The following WDR48 variants were observed in gnomAD, a reference collection of about 807,000 sequenced individuals.
The protein encoded by WDR48 is WD repeat domain 48.
A neutral mutation model predicts 94.0 loss-of-function variants in WDR48; 22 were observed. The observed-to-expected ratio is 0.23, with a 90% CI of 0.17 to 0.33. WDR48 has a LOEUF of 0.33. Ranked by LOEUF, WDR48 falls within the 10% of genes least tolerant of loss-of-function variation. The probability of loss-of-function intolerance (pLI) is 1.00; values close to 1 mark genes in which losing one functional copy is unlikely to be tolerated. For synonymous variants in WDR48, 278 were observed against 280.5 expected, an observed-to-expected ratio of 0.99 and a Z score of 0.09; for missense variants, 541 against 813.8, an observed-to-expected ratio of 0.66 and a Z score of 4.08.
At chr3:39,083,900 A>G (rs757807049) in intron 11 of WDR48, among the ~76,000 whole-genome samples, 2 of 152,222 alleles carry the variant, frequency 1.3e-5, no homozygotes, top group Non-Finnish European at 2.9e-5. Context: ...TGCTGTTAAG[A>G]TGAGGTGGTA....
chr3:39,066,907 T>G (rs2125648119), intron 5 of WDR48, 32 bp downstream of exon 5: 1 of 1,601,202 alleles, frequency 6.2e-7, no homozygotes, highest in Middle Eastern at 1.7e-4. Context: ...TCTTTGAAAG[T>G]GATCCAAGTT....
intron 1 of WDR48, among the ~76,000 whole-genome samples, chr3:39,060,156 A>T (rs1011293564): frequency 2.6e-5 from 4 of 152,066 alleles, no homozygotes; most frequent in Non-Finnish European, 5.9e-5. Context: ...TATATTCGGA[A>T]AGTTGTTTAT....
At chr3:39,077,253 T>C (rs754732173) in intron 9 of WDR48, 40 bp downstream of exon 9, 23 of 1,609,906 alleles carry the variant, frequency 1.4e-5, no homozygotes. Context: ...TATAAACATG[T>C]ATTTTGTTAT....
chr3:39,073,843 T>G (rs2034068787), intron 7 of WDR48, among the ~76,000 whole-genome samples: 1 of 152,222 alleles, frequency 6.6e-6, no homozygotes, highest in Non-Finnish European at 1.5e-5. Flanking sequence ...ATTTTGTTTC[T>G]GATTCCCGTC....
intron 7 of WDR48, among the ~76,000 whole-genome samples, chr3:39,070,652 A>G (rs1050625237): frequency 6.6e-6 from 1 of 152,066 alleles, no homozygotes. Context: ...AAAGATTTAA[A>G]GATACCTGTG....
chr3:39,052,181 G>A, intron 1 of WDR48, 108 bp downstream of exon 1: 3 of 1,403,114 alleles, frequency 2.1e-6, no homozygotes, highest in African/African-American at 1.5e-5. Context: ...GGCATGGGGC[G>A]AACGGGGCGG....
intron 1 of WDR48, 193 bp downstream of exon 1, chr3:39,052,266 C>T (rs1188128163): frequency 2.5e-5 from 16 of 629,694 alleles, no homozygotes; most frequent in Middle Eastern, 4.5e-4. Flanking sequence ...CTTGCTTGGC[C>T]CTTGGGGCCC....
At chr3:39,065,928 A>AT (rs1237815483) in intron 3 of WDR48, 39 bp downstream of exon 3, 2 of 1,497,636 alleles carry the variant, frequency 1.3e-6, no homozygotes, top group East Asian at 4.8e-5. Context: ...CTTCTGATAT[A>AT]TTTTTTGTTT....
Position 39,078,200 on chromosome 3 carries a change from A to C in WDR48, c.1036A>C (p.Ile346Leu). 1 of 1,613,454 alleles carries C rather than the reference A, an allele frequency of 6.2e-7. No individual in the cohort carries two copies. The highest frequency in any genetic ancestry group is 8.5e-7 in the Non-Finnish European group (1 of 1,179,642). The change falls in exon 10 of 19, where the codon ATA becomes CTA. Residue 346 changes from isoleucine to leucine, a missense_variant. By Grantham distance (5) the Ile-to-Leu change is conservative. Coordinates refer to ENST00000302313, the MANE Select transcript of WDR48 (RefSeq NM_020839.4). ...GDYDNDCTNPITPLCTQPDQV... is the reference protein window; with the variant it reads ...GDYDNDCTNPLTPLCTQPDQV... ...TTATGACAATGACTGTACAAATCCT[A>C]TAACACCTCTTTGTACACAACCTGA... is the stretch of plus-strand genomic sequence containing the variant.
At chr3:39,066,490 GT>G (rs766405941) in intron 3 of WDR48, 57 bp from the exon 4 acceptor site, 3 of 1,425,812 alleles carry the variant, frequency 2.1e-6, no homozygotes, top group African/African-American at 1.4e-5. Context: ...TGTAAGATAA[GT>G]TTTCAAAGTT....
chr3:39,055,342 C>T (rs569501396), intron 1 of WDR48, among the ~76,000 whole-genome samples: 93 of 152,128 alleles, frequency 6.1e-4, no homozygotes, highest in Non-Finnish European at 9.3e-4. Flanking sequence ...TAAAAATTGC[C>T]GGCATGGTGG....
Position 39,054,789 on chromosome 3 carries a change from G to A in WDR48, c.48+2716G>A, listed in dbSNP as rs142864423. On this transcript the variant is annotated intron_variant, in intron 1 of 18. Transcript: ENST00000302313. ...AGGCTTTACAGGAAATATGGTGCTA[G>A]GATCTGCTCGTCTTCCAGGGAGGCC... Among the ~76,000 whole-genome samples the A allele has an allele frequency of 5.3e-3, 809 of 152,226 alleles. 4 individuals carry two copies. The highest frequency in any genetic ancestry group is 0.014 in the Middle Eastern group (4 of 294).
chr3:39,070,395 A>T (rs760501463), intron 7 of WDR48, among the ~76,000 whole-genome samples: 1 of 152,208 alleles, frequency 6.6e-6, no homozygotes, highest in Admixed American at 6.5e-5. Flanking sequence ...GAATGCAGTG[A>T]TAAGTCAGAG....
At chr3:39,083,243 G>A (rs988140198) in intron 11 of WDR48, among the ~76,000 whole-genome samples, 10 of 152,192 alleles carry the variant, frequency 6.6e-5, no homozygotes, top group Non-Finnish European at 1.5e-4. Context: ...AAATTTGATT[G>A]GAGGGGTAGG....
chr3:39,057,109 T>C lies in WDR48; in HGVS notation c.48+5036T>C, dbSNP rs147156713. Among the ~76,000 whole-genome samples, 22 of 152,294 alleles carry C rather than the reference T, an allele frequency of 1.4e-4. No individual in the cohort carries two copies. In the East Asian group the frequency reaches 4.2e-3, roughly 29 times the overall value. ...AAGCTCTTTGAGGAAGGAAATGTAT[T>C]CATAATATAGTACTTAGTAGATAGC... On this transcript the variant is annotated intron_variant, in intron 1 of 18. Coordinates refer to ENST00000302313, the MANE Select transcript of WDR48 (RefSeq NM_020839.4).
intron 11 of WDR48, among the ~76,000 whole-genome samples, chr3:39,082,209 G>A (rs770885181): frequency 6.6e-6 from 1 of 152,120 alleles, no homozygotes; most frequent in Non-Finnish European, 1.5e-5. Flanking sequence ...CTAGACTAGG[G>A]TGGGAACAAG....
chr3:39,070,008 A>G (rs537298531), intron 7 of WDR48, among the ~76,000 whole-genome samples: 9 of 152,318 alleles, frequency 5.9e-5, no homozygotes, highest in African/African-American at 2.2e-4. Flanking sequence ...GGCTAAAATA[A>G]CTAAAAACAT....
chr3:39,065,123 G>A (rs2033523624), intron 2 of WDR48, among the ~76,000 whole-genome samples: 1 of 152,174 alleles, frequency 6.6e-6, no homozygotes, highest in African/African-American at 2.4e-5. Flanking sequence ...TGTTTTAGGT[G>A]TAGGATGTAA....
intron 1 of WDR48, among the ~76,000 whole-genome samples, chr3:39,052,903 A>G (rs2032561001): frequency 6.6e-6 from 1 of 152,196 alleles, no homozygotes; most frequent in African/African-American, 2.4e-5. Context: ...GGATAGCATT[A>G]GGAGAAATAC....
Sources: gnomAD v4.1 joint callset for allele counts (sites outside exome capture counted in the v4.1 genomes callset) on GRCh38, gnomAD v4.1.1 for gene constraint, MANE v1.5 for transcripts, NCBI Gene and HGNC (gene_info 2026-07-23, HGNC 2026-07-21) for gene names.